Variants in NFIB observed in about 807,000 individuals in gnomAD.
NFIB encodes nuclear factor I B.
In NFIB, 11 loss-of-function variants were observed where a neutral mutation model predicts 61.5. That is an observed-to-expected ratio of 0.18 (90% CI 0.11 to 0.30). NFIB has a LOEUF of 0.30. Ranked by LOEUF, NFIB falls within the 10% of genes least tolerant of loss-of-function variation. The pLI is 1.00. For synonymous variants in NFIB, 260 were observed against 216.5 expected (o/e 1.20, Z -1.76); for missense variants, 471 against 608.9 (o/e 0.77, Z 2.38).
At chr9:14,362,014 G>C (rs1219009292) in intron 1 of NFIB, 1 of 152,154 alleles carries the variant, frequency 6.6e-6, no homozygotes, top group Non-Finnish European at 1.5e-5. Context: ...GAAAATCATT[G>C]ATTTGTTCTT....
intron 2 of NFIB, among the ~76,000 whole-genome samples, chr9:14,290,466 C>T (rs184669010): frequency 6.6e-6 from 1 of 152,118 alleles, no homozygotes; most frequent in African/African-American, 2.4e-5. Flanking sequence ...TTTACCCTCA[C>T]AATTGCCAAA....
chr9:14,277,472 T>C (rs975286924), intron 2 of NFIB, among the ~76,000 whole-genome samples: 11 of 152,220 alleles, frequency 7.2e-5, no homozygotes, highest in African/African-American at 2.4e-4. Flanking sequence ...CTTTCAAATA[T>C]GGATTAGACA....
At chr9:14,088,598 G>A (rs933651332) in intron 10 of NFIB, among the ~76,000 whole-genome samples, 12 of 151,844 alleles carry the variant, frequency 7.9e-5, no homozygotes, top group African/African-American at 1.5e-4. Context: ...AATTCTAACC[G>A]ATTGAGGATA....
intron 2 of NFIB, among the ~76,000 whole-genome samples, chr9:14,220,972 C>T (rs1587713211): frequency 6.6e-6 from 1 of 151,898 alleles, no homozygotes; most frequent in East Asian, 1.9e-4. Flanking sequence ...CCTACTAGCC[C>T]ATCTACTCCC....
the NFIB span, among the ~76,000 whole-genome samples, chr9:14,518,074 A>T: frequency 3.3e-5 from 5 of 152,248 alleles, no homozygotes; most frequent in Admixed American, 1.3e-4. Flanking sequence ...ACTATAAAAA[A>T]TTTTGAATGG....
chr9:14,509,054 A>G, the NFIB span, among the ~76,000 whole-genome samples: 1 of 152,306 alleles, frequency 6.6e-6, no homozygotes, highest in Non-Finnish European at 1.5e-5. Context: ...AAATGTTTGA[A>G]ATGAGTTGCT....
chr9:14,171,100 T>A (rs751958768), intron 3 of NFIB, among the ~76,000 whole-genome samples: 10 of 152,158 alleles, frequency 6.6e-5, no homozygotes. Flanking sequence ...TTAACTCTTC[T>A]CCCCATTCTT....
At chr9:14,507,099 A>C in the NFIB span, among the ~76,000 whole-genome samples, 1 of 152,230 alleles carries the variant, frequency 6.6e-6, no homozygotes, top group Non-Finnish European at 1.5e-5. Flanking sequence ...AATGCACAGT[A>C]GCTAACAATT....
At chr9:14,348,238 G>A (rs1297309891) in intron 1 of NFIB, among the ~76,000 whole-genome samples, 1 of 151,976 alleles carries the variant, frequency 6.6e-6, no homozygotes, top group African/African-American at 2.4e-5. Flanking sequence ...CAACTGCAGC[G>A]CACCCTTTTC....
At chr9:14,219,109 T>C (rs970272903) in intron 2 of NFIB, among the ~76,000 whole-genome samples, 1 of 152,172 alleles carries the variant, frequency 6.6e-6, no homozygotes, top group Admixed American at 6.5e-5. Flanking sequence ...GAAACTCTGA[T>C]GGCTTTAGCC....
intron 3 of NFIB, among the ~76,000 whole-genome samples, chr9:14,157,812 T>A (rs1374952927): frequency 1.3e-5 from 2 of 152,144 alleles, no homozygotes; most frequent in Non-Finnish European, 2.9e-5. Context: ...TTATACTTTA[T>A]TTTATATAGG....
At chr9:14,179,652 G>T in intron 3 of NFIB, 75 bp downstream of exon 3, 2 of 1,493,096 alleles carry the variant, frequency 1.3e-6, no homozygotes, top group Middle Eastern at 1.7e-4. Context: ...ACCAATTATG[G>T]GGTGTTTATC....
the NFIB span, among the ~76,000 whole-genome samples, chr9:14,488,126 C>A: frequency 6.6e-6 from 1 of 152,008 alleles, no homozygotes; most frequent in Non-Finnish European, 1.5e-5. Flanking sequence ...GTCTGTAATC[C>A]CCGCACTTGG....
intron 1 of NFIB, among the ~76,000 whole-genome samples, chr9:14,324,102 A>T (rs1229249296): frequency 6.6e-6 from 1 of 152,194 alleles, no homozygotes; most frequent in Middle Eastern, 3.2e-3. Context: ...ACTCAGCTAT[A>T]ACTTCCCAAG....
At chr9:14,232,869 A>G (rs535132366) in intron 2 of NFIB, among the ~76,000 whole-genome samples, 1 of 152,300 alleles carries the variant, frequency 6.6e-6, no homozygotes, top group African/African-American at 2.4e-5. Flanking sequence ...CCTAGTCTAT[A>G]ATCAAAGAAA....
upstream of NFIB, among the ~76,000 whole-genome samples, chr9:14,403,395 C>A (rs2061760914): frequency 6.6e-6 from 1 of 152,162 alleles, no homozygotes; most frequent in Admixed American, 6.5e-5. Context: ...AGACAGAATA[C>A]CCCTTTCCCA....
At chr9:14,097,612 T>C (rs1243715953) in intron 10 of NFIB, among the ~76,000 whole-genome samples, 3 of 152,080 alleles carry the variant, frequency 2.0e-5, no homozygotes, top group South Asian at 2.1e-4. Context: ...TGTGGAGATA[T>C]ACACACACAC....
At chr9:14,097,389 G>A (rs563759745) in intron 10 of NFIB, among the ~76,000 whole-genome samples, 1 of 152,230 alleles carries the variant, frequency 6.6e-6, no homozygotes, top group African/African-American at 2.4e-5. Context: ...AGCTGAAAAG[G>A]AAATTCAGCA....
At chr9:14,136,845 C>T (rs1186492782) in intron 6 of NFIB, among the ~76,000 whole-genome samples, 6 of 152,138 alleles carry the variant, frequency 3.9e-5, no homozygotes, top group African/African-American at 7.2e-5. Context: ...AATATGATTA[C>T]TCTGCACAAT....
Sources: allele counts gnomAD v4.1 joint callset (sites outside exome capture counted in the v4.1 genomes callset), GRCh38; gene constraint gnomAD v4.1.1; transcripts MANE v1.5; gene names NCBI Gene and HGNC (gene_info 2026-07-23, HGNC 2026-07-21).